Variants in CAPN2 observed in about 807,000 individuals in gnomAD.
CAPN2 encodes the protein calpain-2 catalytic subunit.
A neutral mutation model predicts 102.3 loss-of-function variants in CAPN2; 92 were observed. The ratio of observed to expected loss-of-function variants is 0.90; its 90% CI spans 0.76 to 1.07. The LOEUF (loss-of-function observed/expected upper bound fraction) is 1.07. Among genes scored for constraint, CAPN2 ranks in the 50% least tolerant of loss-of-function variants. The pLI, the probability that CAPN2 is intolerant of heterozygous loss-of-function variation, is 0.00. For missense variants in CAPN2, 800 were observed against 909.4 expected (o/e 0.88, Z 1.55); for synonymous variants, 340 against 355.4 (o/e 0.96, Z 0.49).
chr1:223,757,506 C>CCCAGGGGTGGCCAGG, intron 11 of CAPN2, 126 bp downstream of exon 11: 2 of 1,025,208 alleles, frequency 2.0e-6, no homozygotes, highest in Non-Finnish European at 3.1e-6. Flanking sequence ...GAGTCCTGGC[C>CCCAGGGGTGGCCAGG]ACCCCTGGGG....
intron 1 of CAPN2, among the ~76,000 whole-genome samples, chr1:223,706,712 T>C (rs571593270): frequency 6.6e-6 from 1 of 152,126 alleles, no homozygotes; most frequent in Non-Finnish European, 1.5e-5. Flanking sequence ...ATGTGTAAAG[T>C]GCACAAATAT....
intron 4 of CAPN2, among the ~76,000 whole-genome samples, chr1:223,746,644 A>AT (rs1448473905): frequency 2.0e-5 from 3 of 151,650 alleles, no homozygotes; most frequent in Non-Finnish European, 4.4e-5. Context: ...TGCCCAGCTA[A>AT]TTTTTTTGTA....
intron 20 of CAPN2, among the ~76,000 whole-genome samples, chr1:223,773,638 G>A (rs192548916): frequency 2.0e-4 from 31 of 152,066 alleles, no homozygotes; most frequent in South Asian, 6.2e-4. Flanking sequence ...AGGTTGCGGC[G>A]AGCTGAGATT....
intron 2 of CAPN2, among the ~76,000 whole-genome samples, chr1:223,723,478 C>T: frequency 6.6e-6 from 1 of 152,150 alleles, no homozygotes; most frequent in East Asian, 1.9e-4. Flanking sequence ...ACCAGCCTCC[C>T]AGGGCACTGT....
chr1:223,753,327 CACACCCAGGCAGCCGAGCCT>C (rs1363608171), intron 9 of CAPN2, among the ~76,000 whole-genome samples: 1 of 152,220 alleles, frequency 6.6e-6, no homozygotes, highest in Non-Finnish European at 1.5e-5. Context: ...CTATGCACCC[CACACCCAGGCAGCCGAGCCT>C]ACAAGGGAAC....
At chr1:223,748,888 A>G (rs1660815590) in intron 5 of CAPN2, 151 bp from the exon 6 acceptor site, 2 of 719,290 alleles carry the variant, frequency 2.8e-6, no homozygotes, top group African/African-American at 3.5e-5. Flanking sequence ...TCCAAGTGCA[A>G]GAAAGCGCAG....
Position 223,712,600 on chromosome 1 carries a change from C to T in CAPN2, c.-41C>T, listed in dbSNP as rs749887724. The T allele has an allele frequency of 4.1e-6, 6 of 1,481,224 alleles. No homozygotes were observed. In the South Asian group the frequency reaches 7.7e-5, roughly 19 times the overall value. The allele number at this position is 1,481,224 out of a possible 1,614,324, so 91.8% of individuals were successfully genotyped here. A position where few individuals can be genotyped will look rare whatever the true frequency, so the allele number is the denominator to read the frequency against. ...CCAGCCGAGCGCAGCGCGGAGTCGC[C>T]CCGACCTTTCTCTGCGCAGTACGGC... On this transcript the variant is annotated 5_prime_UTR_variant, in exon 1 of 21. Transcript: ENST00000295006.
Position 223,731,962 on chromosome 1 carries a change from GA to G in CAPN2, c.308-12131del, listed in dbSNP as rs932142081. Among the ~76,000 whole-genome samples the G allele has an allele frequency of 6.6e-6, 1 of 152,090 alleles. No homozygotes were observed. Among genetic ancestry groups the G allele is most frequent in the South Asian group, 2.1e-4 (1 of 4,828 alleles). ...GTTGCAAAGAAAGAACACTCAGTTG[GA>G]AAAAAAGGCAAGAGGGTTTTATTCC... is the stretch of plus-strand genomic sequence containing the variant. On this transcript the variant is annotated intron_variant, in intron 2 of 20. Transcript: ENST00000295006. The surrounding 1 kb of genome is among the most constrained non-coding windows in gnomAD (Gnocchi z 4.2).
At chr1:223,744,580 G>A (rs1660705590) in intron 3 of CAPN2, among the ~76,000 whole-genome samples, 1 of 152,200 alleles carries the variant, frequency 6.6e-6, no homozygotes, top group South Asian at 2.1e-4. Context: ...GAAAAAGCTG[G>A]CTGGGCACGG....
chr1:223,717,484 C>T (rs973385792), intron 1 of CAPN2, among the ~76,000 whole-genome samples: 4 of 152,082 alleles, frequency 2.6e-5, no homozygotes, highest in African/African-American at 7.2e-5. Context: ...CTGTGGCCCC[C>T]GGGACACAGC....
intron 15 of CAPN2, among the ~76,000 whole-genome samples, chr1:223,765,509 G>T (rs1661289480): frequency 6.6e-6 from 1 of 152,136 alleles, no homozygotes; most frequent in Non-Finnish European, 1.5e-5. Flanking sequence ...TTTCTGCACA[G>T]ATGGAGGGTG....
rs1415319215 is a variant in CAPN2 at position 223,770,333 on chromosome 1, C to T, written c.1825-114C>T. On this transcript the variant is annotated intron_variant, in intron 17 of 20. Transcript: ENST00000295006. ...GAAACATAAGTGATTCTTCCACGGC[C>T]AAACTAGAGGCACAGAGCTGGAAAA... The T allele has an allele frequency of 7.4e-6, 5 of 672,392 alleles. No homozygotes were observed. The East Asian group carries it at 1.4e-4, about 18-fold the overall frequency. 41.7% of individuals were successfully genotyped at this position (672,392 alleles called of 1,614,324 possible).
intron 16 of CAPN2, 72 bp from the exon 17 acceptor site, chr1:223,769,769 T>C (rs750989383): frequency 2.7e-6 from 3 of 1,130,632 alleles, no homozygotes; most frequent in Admixed American, 2.0e-5. Context: ...AAAGATCCAG[T>C]TGAGAAGACA....
At position 223,759,260 on chromosome 1, in the gene CAPN2, T is replaced by G; in HGVS notation, c.1318-10T>G. The stretch of plus-strand genomic sequence containing the variant: ...TCATCTACCCCCATGTTTCTCTATT[T>G]ATTCCTCAGTTAAGTGGGCAGACCA... On this transcript the variant is annotated splice_polypyrimidine_tract_variant and intron_variant, in intron 11 of 20. Transcript: ENST00000295006. This position sits in a 1 kb window ranked among gnomAD's most constrained non-coding sequence, Gnocchi z 4.6. The G allele has an allele frequency of 6.2e-7, 1 of 1,612,582 alleles. No individual in the cohort carries two copies. Among genetic ancestry groups the G allele is most frequent in the Non-Finnish European group, 8.5e-7 (1 of 1,178,594 alleles).
At chr1:223,734,054 T>C (rs1207989071) in intron 2 of CAPN2, among the ~76,000 whole-genome samples, 3 of 152,070 alleles carry the variant, frequency 2.0e-5, no homozygotes, top group African/African-American at 7.2e-5. Flanking sequence ...TTCCTTCTGT[T>C]ATGTGAGGAG....
intron 1 of CAPN2, 96 bp downstream of exon 1, chr1:223,712,973 G>T: frequency 1.1e-6 from 1 of 890,920 alleles, no homozygotes; most frequent in South Asian, 4.9e-5. Flanking sequence ...GGCAGCCCGG[G>T]TGCTGCAGTG....
At chr1:223,766,297 T>A (rs1661314775) in intron 15 of CAPN2, 70 bp from the exon 16 acceptor site, 2 of 1,130,714 alleles carry the variant, frequency 1.8e-6, no homozygotes, top group African/African-American at 3.0e-5. Flanking sequence ...AATATCTCCA[T>A]GATTGTGGAA....
rs778096959 is a variant in CAPN2, at chr1:223,754,809, C to T, written c.1136-671C>T. On this transcript the variant is annotated intron_variant, in intron 9 of 20. Transcript: ENST00000295006. This position sits in a 1 kb window ranked among gnomAD's most constrained non-coding sequence, Gnocchi z 4.7. ...GGATGTTCTTGGCCTCCGGGCTCAC[C>T]GAGGGGGCGGCGACCGGCAAGTGCA... Among the ~76,000 whole-genome samples, 5 of 152,106 alleles carry T rather than the reference C, an allele frequency of 3.3e-5. No individual in the cohort carries two copies. Among genetic ancestry groups the T allele is most frequent in the Non-Finnish European group, 5.9e-5 (4 of 68,012 alleles).
chr1:223,760,048 T>C (rs1661148951), intron 12 of CAPN2, among the ~76,000 whole-genome samples: 1 of 152,232 alleles, frequency 6.6e-6, no homozygotes. Flanking sequence ...CAATTCACAA[T>C]GGCTTCTGCC....
Sources: allele counts gnomAD v4.1 joint callset (sites outside exome capture counted in the v4.1 genomes callset), GRCh38; gene constraint gnomAD v4.1.1; non-coding constraint Gnocchi (gnomAD v3.1); transcripts MANE v1.5; gene names NCBI Gene and HGNC (gene_info 2026-07-23, HGNC 2026-07-21).